DAB1: variants seen among roughly 807,000 people sequenced by gnomAD.
DAB1 encodes the protein DAB adaptor protein 1, also known as disabled homolog 1.
Under a neutral mutation model 64.6 loss-of-function variants are expected in DAB1, and 15 were observed. The observed-to-expected ratio is 0.23, with a 90% CI of 0.16 to 0.36. The LOEUF (loss-of-function observed/expected upper bound fraction) is 0.36. Among genes scored for constraint, DAB1 ranks in the 10% least tolerant of loss-of-function variants. The pLI is 1.00. For missense variants in DAB1, 596 were observed against 706.7 expected (o/e 0.84, Z 1.78); for synonymous variants, 235 against 251.9 (o/e 0.93, Z 0.64).
intron 4 of DAB1, among the ~76,000 whole-genome samples, chr1:58,301,224 G>T (rs1290358482): frequency 2.5e-5 from 3 of 119,688 alleles, no homozygotes; most frequent in African/African-American, 8.4e-5. Flanking sequence ...GCAGATATGT[G>T]GGGGTGGAGA....
chr1:57,684,701 A>T (rs762786674), intron 6 of DAB1, among the ~76,000 whole-genome samples: 2 of 152,184 alleles, frequency 1.3e-5, no homozygotes, highest in Admixed American at 1.3e-4. Context: ...ACTGTAAAGC[A>T]ACTACAAAAT....
intron 5 of DAB1, among the ~76,000 whole-genome samples, chr1:58,080,729 G>T (rs762692587): frequency 6.6e-6 from 1 of 152,148 alleles, no homozygotes; most frequent in Non-Finnish European, 1.5e-5. Context: ...GCCTGTGTTG[G>T]GATCAACGCT....
chr1:57,419,976 C>T (rs762682053), intron 1 of DAB1, among the ~76,000 whole-genome samples: 3 of 152,206 alleles, frequency 2.0e-5, no homozygotes, highest in Admixed American at 6.5e-5. Flanking sequence ...ATTGCCTAAA[C>T]AATTATTTAC....
At position 57,681,479 on chromosome 1, in the gene DAB1, A is replaced by T. The variant is rs1048627004; in HGVS notation, n.552-31814T>A. Among the ~76,000 whole-genome samples the T allele has an allele frequency of 5.3e-5, 8 of 152,294 alleles. No homozygotes were observed. In the East Asian group the frequency reaches 1.5e-3, roughly 29 times the overall value. ...AACCCATTTCTCTATATATTTCTGC[A>T]GTGGCCAATCAGGATATTAGGAAAA... On this transcript the variant is annotated intron_variant and non_coding_transcript_variant, in intron 6 of 20. Coordinates refer to the DAB1 transcript ENST00000485760.
intron 4 of DAB1, 52 bp from the exon 5 acceptor site, chr1:57,072,466 C>T (rs1461097244): frequency 2.5e-6 from 4 of 1,592,998 alleles, no homozygotes; most frequent in South Asian, 2.2e-5. Flanking sequence ...TCCCTTCGAG[C>T]TGTTGATCAA....
At chr1:57,536,040 T>C (rs748214535) in intron 7 of DAB1, among the ~76,000 whole-genome samples, 1 of 152,188 alleles carries the variant, frequency 6.6e-6, no homozygotes, top group Non-Finnish European at 1.5e-5. Flanking sequence ...ATCCACTCTG[T>C]GGTTTGCCTT....
At chr1:58,128,070 A>C (rs559605884) in intron 5 of DAB1, among the ~76,000 whole-genome samples, 1,624 of 151,150 alleles carry the variant, frequency 0.011, 34 homozygotes, top group East Asian at 0.071. Context: ...TTTTCACGAT[A>C]TTGATTCTTC....
At chr1:57,606,403 T>A (rs1174303848) in intron 7 of DAB1, among the ~76,000 whole-genome samples, 2 of 115,952 alleles carry the variant, frequency 1.7e-5, no homozygotes, top group Non-Finnish European at 3.6e-5. Context: ...CACATTATAT[T>A]ATATATATGA....
At chr1:58,268,197 G>C (rs580673) in intron 4 of DAB1, among the ~76,000 whole-genome samples, 38,755 of 151,868 alleles carry the variant, frequency 0.26, 5,837 homozygotes, top group African/African-American at 0.41. Flanking sequence ...TTCTTTTATA[G>C]CCATATTTTA....
rs774011865 is a variant in DAB1 at position 57,071,655 on chromosome 1, T to A, written c.439-14A>T. The A allele has an allele frequency of 6.2e-7, 1 of 1,611,894 alleles. No homozygotes were observed. Among genetic ancestry groups the A allele is most frequent in the African/African-American group, 1.3e-5 (1 of 75,002 alleles). On this transcript the variant is annotated splice_polypyrimidine_tract_variant and intron_variant, in intron 5 of 14. Transcript: ENST00000371236. Reference sequence around the variant, plus strand: ...AACAGGTTCAGCCTGGGATGAAAGGTAGTAAGGCACATCATAAGGGAATGG... The same window carrying A: ...AACAGGTTCAGCCTGGGATGAAAGGAAGTAAGGCACATCATAAGGGAATGG...
chr1:57,402,858 G>T (rs1683358835), intron 1 of DAB1, among the ~76,000 whole-genome samples: 1 of 151,960 alleles, frequency 6.6e-6, no homozygotes, highest in Non-Finnish European at 1.5e-5. Flanking sequence ...TAAAAGAATG[G>T]TCCCATTAAA....
chr1:57,303,748 G>C (rs1180867355), intron 1 of DAB1, among the ~76,000 whole-genome samples: 1 of 152,084 alleles, frequency 6.6e-6, no homozygotes, highest in Admixed American at 6.6e-5. Flanking sequence ...GGCACCCAAT[G>C]GCAGGGAGCA....
At chr1:58,040,183 T>C (rs1647113399) in intron 5 of DAB1, among the ~76,000 whole-genome samples, 1 of 152,214 alleles carries the variant, frequency 6.6e-6, no homozygotes, top group African/African-American at 2.4e-5. Context: ...GGTCACCCAA[T>C]TCCCCTTTGC....
intron 2 of DAB1, among the ~76,000 whole-genome samples, chr1:57,157,570 AAGAGAGAGAGAGAG>A (rs34642210): frequency 4.0e-5 from 6 of 148,170 alleles, no homozygotes; most frequent in Admixed American, 3.4e-4. Context: ...TGCACTGAGA[AAGAGAGAGAGAGAG>A]AGAGAGAGAG....
chr1:57,304,261 C>T (rs1673941952), intron 1 of DAB1, among the ~76,000 whole-genome samples: 1 of 152,104 alleles, frequency 6.6e-6, no homozygotes, highest in Non-Finnish European at 1.5e-5. Context: ...AGAACTCACT[C>T]ACTATTGTGA....
chr1:57,523,375 G>A (rs1482543495), intron 7 of DAB1, among the ~76,000 whole-genome samples: 1 of 152,162 alleles, frequency 6.6e-6, no homozygotes, highest in Non-Finnish European at 1.5e-5. Context: ...TTGTTGATAA[G>A]CTTCTCTCTG....
At chr1:57,731,621 G>A (rs3118031) in intron 6 of DAB1, among the ~76,000 whole-genome samples, 77,656 of 151,658 alleles carry the variant, frequency 0.51, 20,119 homozygotes, top group East Asian at 0.65. Context: ...CCTGGCCAAC[G>A]TGGTGAAATC....
At chr1:58,007,539 C>T (rs147226512) in intron 5 of DAB1, among the ~76,000 whole-genome samples, 2 of 152,244 alleles carry the variant, frequency 1.3e-5, no homozygotes, top group East Asian at 1.9e-4. Flanking sequence ...CTCACAAGGG[C>T]GGGCAACATT....
chr1:57,044,491 T>C (rs938220366), intron 9 of DAB1, among the ~76,000 whole-genome samples: 1 of 152,344 alleles, frequency 6.6e-6, no homozygotes, highest in African/African-American at 2.4e-5. Flanking sequence ...GGGAACTCTA[T>C]GTTTGCCACT....
Sources: gnomAD v4.1 joint callset for allele counts (sites outside exome capture counted in the v4.1 genomes callset) on GRCh38, gnomAD v4.1.1 for gene constraint, MANE v1.5 for transcripts, NCBI Gene and HGNC (gene_info 2026-07-23, HGNC 2026-07-21) for gene names.